RSRC1: variants seen among roughly 807,000 people sequenced by gnomAD.
The protein encoded by RSRC1 is serine/Arginine-related protein 53.
RSRC1 carries 39 observed loss-of-function variants against 49.1 expected under a neutral mutation model. The ratio of observed to expected loss-of-function variants is 0.79; its 90% CI spans 0.61 to 1.04. The LOEUF (loss-of-function observed/expected upper bound fraction) is 1.04. Among genes scored for constraint, RSRC1 ranks in the 50% least tolerant of loss-of-function variants. The probability of loss-of-function intolerance (pLI) is 0.00; values close to 1 mark genes in which losing one functional copy is unlikely to be tolerated. For synonymous variants in RSRC1, 143 were observed against 130.8 expected (o/e 1.09, Z -0.63); for missense variants, 388 against 402.4 (o/e 0.96, Z 0.31).
At chr3:158,474,716 A>G (rs1477430610) in intron 7 of RSRC1, among the ~76,000 whole-genome samples, 2 of 152,178 alleles carry the variant, frequency 1.3e-5, no homozygotes, top group African/African-American at 2.4e-5. Context: ...ATTCAGTCAT[A>G]TCTTCAGGCT....
chr3:158,133,737 A>G (rs1716185659), intron 3 of RSRC1, among the ~76,000 whole-genome samples: 1 of 152,178 alleles, frequency 6.6e-6, no homozygotes, highest in South Asian at 2.1e-4. Flanking sequence ...ATTTGATCAT[A>G]TTAGATGCTG....
At chr3:158,408,764 G>T (rs1288419521) in intron 6 of RSRC1, among the ~76,000 whole-genome samples, 1 of 152,126 alleles carries the variant, frequency 6.6e-6, no homozygotes, top group Non-Finnish European at 1.5e-5. Context: ...AGGCGTGGTG[G>T]CTCGTGCCTG....
At chr3:158,351,915 T>C (rs972094176) in intron 5 of RSRC1, among the ~76,000 whole-genome samples, 9 of 143,826 alleles carry the variant, frequency 6.3e-5, no homozygotes, top group Admixed American at 2.8e-4. Context: ...TATATAAATA[T>C]TATATATATA....
chr3:158,207,484 G>C lies in RSRC1; in HGVS notation c.494+4239G>C, dbSNP rs537989016. 1.2e-3 allele frequency among the ~76,000 whole-genome samples: 179 copies of C among 152,276 alleles called. 2 individuals carry two copies. The highest frequency in any genetic ancestry group is 2.0e-3 in the Non-Finnish European group (139 of 68,022). On this transcript the variant is annotated intron_variant, in intron 4 of 9. Coordinates refer to ENST00000611884, the MANE Select transcript of RSRC1 (RefSeq NM_001271838.2). Reference sequence around the variant, plus strand: ...TGGCTTTAAAAAATTTGTGGAGAGAGAGAGAGGAAAAAGGATTCACAAACA... The same window carrying C: ...TGGCTTTAAAAAATTTGTGGAGAGACAGAGAGGAAAAAGGATTCACAAACA...
intron 6 of RSRC1, among the ~76,000 whole-genome samples, chr3:158,456,746 G>A (rs1490147801): frequency 6.6e-6 from 1 of 152,130 alleles, no homozygotes; most frequent in Non-Finnish European, 1.5e-5. Flanking sequence ...CAAACAAAAG[G>A]TACTGTGGCC....
chr3:158,427,204 A>G (rs1355561990), intron 6 of RSRC1, among the ~76,000 whole-genome samples: 1 of 151,826 alleles, frequency 6.6e-6, no homozygotes, highest in African/African-American at 2.4e-5. Context: ...AAAAAAAAGG[A>G]AAGGAGGCTA....
intron 7 of RSRC1, among the ~76,000 whole-genome samples, chr3:158,472,185 G>GT (rs1166746535): frequency 1.3e-5 from 2 of 151,988 alleles, no homozygotes; most frequent in East Asian, 3.9e-4. Flanking sequence ...AGATAAGGTT[G>GT]TTTTTTATTC....
At chr3:158,358,674 T>G (rs1193519) in intron 6 of RSRC1, among the ~76,000 whole-genome samples, 128,144 of 152,068 alleles carry the variant, frequency 0.84, 55,459 homozygotes, top group East Asian at 1. Flanking sequence ...CATTCACAGT[T>G]TTGTACAACC....
intron 4 of RSRC1, among the ~76,000 whole-genome samples, chr3:158,208,927 G>C (rs1030504852): frequency 6.6e-6 from 1 of 152,078 alleles, no homozygotes; most frequent in Non-Finnish European, 1.5e-5. Context: ...CCTACATCTT[G>C]ATCCAAACTG....
rs955616788 is a variant in RSRC1, at chr3:158,161,161, T to C, written c.320+37170T>C. 3.9e-5 allele frequency among the ~76,000 whole-genome samples: 6 copies of C among 152,150 alleles called. No individual in the cohort carries two copies. The East Asian group carries it at 1.2e-3, about 29-fold the overall frequency. ...CATAGTAAACCATTTCAAAACTCAGTGGCACACACAAAAAGTATTTATTGC... is the reference window on the plus strand; with the variant it reads ...CATAGTAAACCATTTCAAAACTCAGCGGCACACACAAAAAGTATTTATTGC... On this transcript the variant is annotated intron_variant, in intron 3 of 9. Coordinates refer to ENST00000611884, the MANE Select transcript of RSRC1 (RefSeq NM_001271838.2).
intron 4 of RSRC1, among the ~76,000 whole-genome samples, chr3:158,284,873 G>T (rs1237472197): frequency 6.6e-6 from 1 of 150,716 alleles, no homozygotes; most frequent in African/African-American, 2.4e-5. Context: ...AGTTTCTTTT[G>T]CTGTGCAGAA....
chr3:158,333,832 C>A (rs918955957), intron 5 of RSRC1, among the ~76,000 whole-genome samples: 32 of 152,102 alleles, frequency 2.1e-4, no homozygotes, highest in African/African-American at 7.0e-4. Context: ...CAGGAGAACA[C>A]CATTCCCTTT....
intron 3 of RSRC1, among the ~76,000 whole-genome samples, chr3:158,187,121 A>G (rs180921268): frequency 2.6e-5 from 4 of 152,122 alleles, no homozygotes; most frequent in African/African-American, 9.6e-5. Flanking sequence ...TGAACTTTTA[A>G]GAATCCAGTT....
chr3:158,136,127 G>C (rs1399791237), intron 3 of RSRC1, among the ~76,000 whole-genome samples: 1 of 152,152 alleles, frequency 6.6e-6, no homozygotes, highest in Non-Finnish European at 1.5e-5. Context: ...ATAGAAGGTG[G>C]CATTACAGAC....
chr3:158,332,005 G>A (rs1388003693), intron 5 of RSRC1, among the ~76,000 whole-genome samples: 1 of 151,852 alleles, frequency 6.6e-6, no homozygotes, highest in Non-Finnish European at 1.5e-5. Context: ...ATAAATAAAA[G>A]TAGAACTTAA....
In RSRC1 at chr3:158,505,651, C is replaced by T. The variant is rs1401804918; in HGVS notation, c.653-31441C>T. 2.0e-5 allele frequency among the ~76,000 whole-genome samples: 3 copies of T among 151,752 alleles called. No individual in the cohort carries two copies. In the East Asian group the frequency reaches 5.8e-4, roughly 29 times the overall value. On this transcript the variant is annotated intron_variant, in intron 7 of 9. Coordinates refer to ENST00000611884, the MANE Select transcript of RSRC1 (RefSeq NM_001271838.2). The stretch of plus-strand genomic sequence containing the variant: ...TAGGTATTCCAAGCTGAAGGAAGAA[C>T]CTGAAAGGAAGTTTTGCATGCTATA...
intron 6 of RSRC1, among the ~76,000 whole-genome samples, chr3:158,430,581 C>T (rs1039891998): frequency 1.3e-5 from 2 of 151,838 alleles, no homozygotes; most frequent in African/African-American, 4.8e-5. Flanking sequence ...GTATGTTTAA[C>T]AAGTATTTCT....
chr3:158,408,095 A>G (rs1247358054), intron 6 of RSRC1, among the ~76,000 whole-genome samples: 1 of 152,194 alleles, frequency 6.6e-6, no homozygotes, highest in Non-Finnish European at 1.5e-5. Context: ...AGGGAATGAT[A>G]TACAGTGTCC....
chr3:158,328,958 G>GCTT (rs1156996499), intron 5 of RSRC1, among the ~76,000 whole-genome samples: 1 of 151,928 alleles, frequency 6.6e-6, no homozygotes, highest in Non-Finnish European at 1.5e-5. Context: ...TTTTCTCTAA[G>GCTT]CTTCTCTTCT....
Sources: allele counts gnomAD v4.1 joint callset (sites outside exome capture counted in the v4.1 genomes callset), GRCh38; gene constraint gnomAD v4.1.1; transcripts MANE v1.5; gene names NCBI Gene and HGNC (gene_info 2026-07-23, HGNC 2026-07-21).